The following SEC24D variants were observed in gnomAD, a reference collection of about 807,000 sequenced individuals.
SEC24D encodes protein transport protein Sec24D.
Under a neutral mutation model 116.9 loss-of-function variants are expected in SEC24D, and 69 were observed. The observed-to-expected ratio is 0.59, with a 90% CI of 0.49 to 0.72. The LOEUF is 0.72. Ranked by LOEUF, SEC24D falls within the 30% of genes least tolerant of loss-of-function variation. SEC24D has a pLI of 0.00. For missense variants in SEC24D, 1,131 were observed against 1,264.1 expected (o/e 0.89, Z 1.60); for synonymous variants, 405 against 442.8 (o/e 0.91, Z 1.07).
chr4:118,753,979 G>T (rs1726960349), intron 11 of SEC24D: 1 of 152,164 alleles, frequency 6.6e-6, no homozygotes, highest in Admixed American at 6.6e-5. Flanking sequence ...GAAAATGGAA[G>T]TATCTAGATG....
At chr4:118,728,722 C>A in intron 21 of SEC24D, 72 bp from the exon 22 acceptor site, 1 of 938,684 alleles carries the variant, frequency 1.1e-6, no homozygotes, top group African/African-American at 1.7e-5. Flanking sequence ...ATGAGATTAT[C>A]ATAATGTTAA....
intron 8 of SEC24D, among the ~76,000 whole-genome samples, chr4:118,786,286 G>A (rs1451908307): frequency 6.6e-6 from 1 of 151,916 alleles, no homozygotes; most frequent in Non-Finnish European, 1.5e-5. Context: ...GTTTAGACAG[G>A]GTTTTCTTTT....
intron 21 of SEC24D, chr4:118,730,123 T>C (rs985088186): frequency 1.3e-5 from 2 of 152,250 alleles, no homozygotes; most frequent in Non-Finnish European, 2.9e-5. Flanking sequence ...CCTGTGGATG[T>C]TCAGTTCAGC....
chr4:118,777,450 C>A (rs776845442), intron 8 of SEC24D, among the ~76,000 whole-genome samples: 3 of 152,134 alleles, frequency 2.0e-5, no homozygotes, highest in Admixed American at 6.5e-5. Flanking sequence ...TAAACTCATC[C>A]TTTTTTATGG....
intron 8 of SEC24D, among the ~76,000 whole-genome samples, chr4:118,783,201 C>A (rs931517623): frequency 6.6e-6 from 1 of 152,202 alleles, no homozygotes; most frequent in African/African-American, 2.4e-5. Context: ...ACGCTCAGAG[C>A]TGCAGACGGG....
intron 15 of SEC24D, among the ~76,000 whole-genome samples, chr4:118,741,783 C>G (rs114290464): frequency 3.9e-5 from 6 of 152,310 alleles, no homozygotes; most frequent in Non-Finnish European, 7.3e-5. Context: ...ACAATCTTTA[C>G]AATAATCCCT....
At chr4:118,737,907 C>A (rs1726041676) in intron 19 of SEC24D, among the ~76,000 whole-genome samples, 1 of 151,964 alleles carries the variant, frequency 6.6e-6, no homozygotes, top group South Asian at 2.1e-4. Flanking sequence ...TGTTAATATG[C>A]CTAAAATGTA....
intron 8 of SEC24D, among the ~76,000 whole-genome samples, chr4:118,781,420 C>A (rs1266982318): frequency 2.6e-5 from 4 of 152,240 alleles, no homozygotes; most frequent in Non-Finnish European, 4.4e-5. Context: ...TTGGCCCCCA[C>A]TCTCTTCTGG....
intron 6 of SEC24D, among the ~76,000 whole-genome samples, chr4:118,811,596 G>C (rs1729924394): frequency 6.6e-6 from 1 of 152,184 alleles, no homozygotes; most frequent in Non-Finnish European, 1.5e-5. Flanking sequence ...CTGAGAAAGA[G>C]GAAAATTCTG....
chr4:118,765,641 C>T (rs1007552667), intron 9 of SEC24D, among the ~76,000 whole-genome samples: 2 of 152,116 alleles, frequency 1.3e-5, no homozygotes, highest in Non-Finnish European at 2.9e-5. Flanking sequence ...AAACCACTGC[C>T]AATAAAAGTA....
At chr4:118,771,499 G>A (rs751800631) in intron 8 of SEC24D, among the ~76,000 whole-genome samples, 1 of 152,022 alleles carries the variant, frequency 6.6e-6, no homozygotes, top group Non-Finnish European at 1.5e-5. Context: ...TTGGATTAAC[G>A]GGTGTGCCAA....
rs114939779 is a variant in SEC24D, at chr4:118,770,452, T to C, written c.1042-2141A>G. Among the ~76,000 whole-genome samples, 731 of 152,294 alleles carry C rather than the reference T, an allele frequency of 4.8e-3. 5 individuals are homozygous for C. The highest frequency in any genetic ancestry group is 0.016 in the African/African-American group (682 of 41,558). On this transcript the variant is annotated intron_variant, in intron 8 of 22. Transcript: ENST00000280551. ...TCTGGATTAAAAGTACAATTACCAA[T>C]CATGACTCCAGTTACTGCTCTGTTC... is the stretch of plus-strand genomic sequence containing the variant.
chr4:118,795,048 A>G (rs1001886613), intron 8 of SEC24D, among the ~76,000 whole-genome samples: 3 of 152,110 alleles, frequency 2.0e-5, no homozygotes, highest in African/African-American at 7.2e-5. Context: ...AAGGGGAGGA[A>G]GCAGAGGTAG....
At chr4:118,780,054 C>T (rs1728326750) in intron 8 of SEC24D, among the ~76,000 whole-genome samples, 1 of 152,182 alleles carries the variant, frequency 6.6e-6, no homozygotes, top group Non-Finnish European at 1.5e-5. Context: ...AAAAAACCAG[C>T]TCCTGGATTC....
intron 8 of SEC24D, among the ~76,000 whole-genome samples, chr4:118,781,719 G>C (rs1353603732): frequency 6.6e-6 from 1 of 152,086 alleles, no homozygotes; most frequent in Non-Finnish European, 1.5e-5. Flanking sequence ...TCATTTTCAG[G>C]TACACCAATC....
intron 22 of SEC24D, among the ~76,000 whole-genome samples, chr4:118,724,647 A>G (rs1363022213): frequency 6.6e-6 from 1 of 152,244 alleles, no homozygotes; most frequent in Non-Finnish European, 1.5e-5. Flanking sequence ...TGCTGCTCTA[A>G]GAAGAAACCC....
intron 2 of SEC24D, among the ~76,000 whole-genome samples, chr4:118,829,386 C>T (rs1006602596): frequency 3.3e-5 from 5 of 152,024 alleles, no homozygotes; most frequent in African/African-American, 1.2e-4. Context: ...GGTGGGCACA[C>T]CTATAATCCT....
chr4:118,791,110 G>GT, intron 8 of SEC24D, among the ~76,000 whole-genome samples: 1 of 151,974 alleles, frequency 6.6e-6, no homozygotes, highest in African/African-American at 2.4e-5. Context: ...TAATTGTTTA[G>GT]TTTTTTATTT....
intron 8 of SEC24D, among the ~76,000 whole-genome samples, chr4:118,783,441 C>T (rs1728520178): frequency 6.6e-6 from 1 of 152,170 alleles, no homozygotes; most frequent in Non-Finnish European, 1.5e-5. Flanking sequence ...ATGTAAGCTC[C>T]ATGAGGGCAG....
Sources: gnomAD v4.1 joint callset for allele counts (sites outside exome capture counted in the v4.1 genomes callset) on GRCh38, gnomAD v4.1.1 for gene constraint, MANE v1.5 for transcripts, NCBI Gene and HGNC (gene_info 2026-07-23, HGNC 2026-07-21) for gene names.